The following PPP2R2B variants were observed in gnomAD, a reference collection of about 807,000 sequenced individuals.
The protein encoded by PPP2R2B is serine/threonine-protein phosphatase 2A 55 kDa regulatory subunit B beta isoform.
In PPP2R2B, 5 loss-of-function variants were observed where a neutral mutation model predicts 46.0. That is an observed-to-expected ratio of 0.11 (90% confidence interval 0.06 to 0.23). The LOEUF is 0.23. PPP2R2B is among the 10% of genes least tolerant of loss of function. PPP2R2B has a pLI of 1.00. For synonymous variants in PPP2R2B, 215 were observed against 206.7 expected (o/e 1.04, Z -0.34); for missense variants, 367 against 575.0 (o/e 0.64, Z 3.70).
At chr5:146,701,498 A>G (rs1779534921) in intron 2 of PPP2R2B, among the ~76,000 whole-genome samples, 1 of 152,208 alleles carries the variant, frequency 6.6e-6, no homozygotes, top group Non-Finnish European at 1.5e-5. Flanking sequence ...CACGGCCTTT[A>G]CACCAAGAAT....
intron 2 of PPP2R2B, among the ~76,000 whole-genome samples, chr5:146,866,438 G>A (rs1454311715): frequency 6.6e-6 from 1 of 152,140 alleles, no homozygotes; most frequent in Non-Finnish European, 1.5e-5. Flanking sequence ...CATCAGCAAA[G>A]TAGAAATCTA....
intron 2 of PPP2R2B, among the ~76,000 whole-genome samples, chr5:146,732,508 C>A (rs1300688812): frequency 6.6e-6 from 1 of 152,102 alleles, no homozygotes; most frequent in East Asian, 1.9e-4. Flanking sequence ...GGCAATCTTG[C>A]AGAGGTATAA....
chr5:146,733,380 T>A (rs572637857), intron 2 of PPP2R2B, among the ~76,000 whole-genome samples: 1 of 152,186 alleles, frequency 6.6e-6, no homozygotes, highest in African/African-American at 2.4e-5. Context: ...TCTTCCAGTT[T>A]CAACACAGCA....
chr5:147,038,847 C>T (rs759728482), intron 1 of PPP2R2B, among the ~76,000 whole-genome samples: 5 of 152,154 alleles, frequency 3.3e-5, no homozygotes, highest in Admixed American at 2.6e-4. Context: ...AAATTATCCC[C>T]TTGTAGGATT....
rs186497681 is a variant in PPP2R2B, at chr5:146,971,913, T to C, written c.79+83752A>G. ...TTTCCCCTCTTGGCAACATCTCATA[T>C]CTCCATGGTACACTCATCAAAACTA... On this transcript the variant is annotated intron_variant, in intron 1 of 8. Transcript: ENST00000336640. Among the ~76,000 whole-genome samples the C allele has an allele frequency of 8.1e-4, 124 of 152,322 alleles. 1 individual carries two copies. Among genetic ancestry groups the C allele is most frequent in the African/African-American group, 2.7e-3 (114 of 41,584 alleles).
intron 1 of PPP2R2B, among the ~76,000 whole-genome samples, chr5:146,936,526 A>C (rs969940747): frequency 6.7e-5 from 10 of 149,184 alleles, no homozygotes; most frequent in Non-Finnish European, 1.2e-4. Flanking sequence ...AAAAAAAAAA[A>C]AAGAAAAAAC....
At chr5:146,925,741 C>G (rs1763761482) in intron 1 of PPP2R2B, among the ~76,000 whole-genome samples, 1 of 152,062 alleles carries the variant, frequency 6.6e-6, no homozygotes, top group Non-Finnish European at 1.5e-5. Flanking sequence ...CTGTCCCTTT[C>G]TCTTCTCTCC....
At chr5:146,749,760 G>A (rs1216948586) in intron 2 of PPP2R2B, among the ~76,000 whole-genome samples, 2 of 151,706 alleles carry the variant, frequency 1.3e-5, no homozygotes, top group East Asian at 1.9e-4. Context: ...CACCATGCCC[G>A]GCTAATTTTT....
intron 2 of PPP2R2B, among the ~76,000 whole-genome samples, chr5:146,831,343 A>G (rs1758917512): frequency 6.6e-6 from 1 of 151,910 alleles, no homozygotes; most frequent in African/African-American, 2.4e-5. Flanking sequence ...CTAAAAATAC[A>G]AAAATTAGCC....
chr5:146,906,443 C>T (rs919411379), intron 1 of PPP2R2B, among the ~76,000 whole-genome samples: 1 of 152,164 alleles, frequency 6.6e-6, no homozygotes, highest in Admixed American at 6.5e-5. Context: ...CTGCCTCAGC[C>T]TCCCTAGTAG....
At chr5:146,742,110 A>G (rs1268352782) in intron 2 of PPP2R2B, among the ~76,000 whole-genome samples, 1 of 152,204 alleles carries the variant, frequency 6.6e-6, no homozygotes, top group African/African-American at 2.4e-5. Flanking sequence ...TGTGTCAGAA[A>G]AAAATGTTTT....
chr5:146,609,490 C>A (rs1400834233), intron 7 of PPP2R2B, among the ~76,000 whole-genome samples: 2 of 152,174 alleles, frequency 1.3e-5, no homozygotes, highest in Admixed American at 6.5e-5. Context: ...GGATGTGGAG[C>A]CAAGATGGCC....
chr5:146,936,828 C>T (rs565700722), intron 1 of PPP2R2B, among the ~76,000 whole-genome samples: 1 of 150,924 alleles, frequency 6.6e-6, no homozygotes, highest in African/African-American at 2.4e-5. Flanking sequence ...TCCCGAGGTC[C>T]TTGTTCTGTT....
chr5:146,704,731 A>AT (rs58940771), intron 2 of PPP2R2B, among the ~76,000 whole-genome samples: 133 of 150,716 alleles, frequency 8.8e-4, no homozygotes, highest in East Asian at 4.7e-3. Flanking sequence ...TGAGTTTATT[A>AT]TTTTTTTTTT....
chr5:146,722,494 C>T (rs1780868230), intron 2 of PPP2R2B, among the ~76,000 whole-genome samples: 1 of 152,174 alleles, frequency 6.6e-6, no homozygotes, highest in African/African-American at 2.4e-5. Flanking sequence ...AACTAAAAGT[C>T]AGAAGGCATA....
chr5:146,935,830 T>C (rs2004709), intron 1 of PPP2R2B, among the ~76,000 whole-genome samples: 37,307 of 152,058 alleles, frequency 0.25, 5,016 homozygotes, highest in East Asian at 0.45. Context: ...GACCTAACTT[T>C]TGAGGTCTGC....
chr5:146,810,044 G>A (rs1757428876), intron 2 of PPP2R2B, among the ~76,000 whole-genome samples: 4 of 152,208 alleles, frequency 2.6e-5, no homozygotes, highest in Admixed American at 1.3e-4. Context: ...TTTCAGGCTT[G>A]AGAAGCTGGT....
intron 2 of PPP2R2B, among the ~76,000 whole-genome samples, chr5:146,713,776 G>A (rs559498440): frequency 6.6e-5 from 10 of 152,290 alleles, no homozygotes; most frequent in South Asian, 2.1e-4. Context: ...TCAGCAACTG[G>A]CATGTTAGAG....
At chr5:146,675,462 CAG>C (rs1023771463) in intron 5 of PPP2R2B, among the ~76,000 whole-genome samples, 2 of 152,092 alleles carry the variant, frequency 1.3e-5, no homozygotes, top group African/African-American at 4.8e-5. Context: ...TGGTCTGTCT[CAG>C]AGATTTTTGC....
Sources: gnomAD v4.1 joint callset for allele counts (sites outside exome capture counted in the v4.1 genomes callset) on GRCh38, gnomAD v4.1.1 for gene constraint, MANE v1.5 for transcripts, NCBI Gene and HGNC (gene_info 2026-07-23, HGNC 2026-07-21) for gene names.